Variants in KLHL13 observed in about 807,000 individuals in gnomAD.
KLHL13 encodes the protein kelch like family member 13, also known as kelch-like protein 13.
A neutral mutation model predicts 37.1 loss-of-function variants in KLHL13; 10 were observed. That is an observed-to-expected ratio of 0.27 (90% CI 0.17 to 0.46). KLHL13 has a LOEUF of 0.46. Among genes scored for constraint, KLHL13 ranks in the 20% least tolerant of loss-of-function variants. The pLI, the probability that KLHL13 is intolerant of heterozygous loss-of-function variation, is 1.00. For missense variants in KLHL13, 360 were observed against 509.3 expected (o/e 0.71, Z 2.82); for synonymous variants, 163 against 181.2 (o/e 0.90, Z 0.81).
At chrX:117,930,230 A>AAGGAAGGGAGGG (rs1569418442) in intron 2 of KLHL13, among the ~76,000 whole-genome samples, 1 of 84,975 alleles carries the variant, frequency 1.2e-5, no homozygotes, top group African/African-American at 5.3e-5. Context: ...GGAAGGAAGG[A>AAGGAAGGGAGGG]AGGAAGGAAG....
chrX:118,027,792 T>C (rs1253259940), intron 1 of KLHL13, among the ~76,000 whole-genome samples: 1 of 111,050 alleles, frequency 9.0e-6, no homozygotes, highest in African/African-American at 3.3e-5. Flanking sequence ...ACTACGAAAC[T>C]TGCCCAAGGC....
intron 4 of KLHL13, among the ~76,000 whole-genome samples, chrX:117,911,905 C>G (rs748258444): frequency 9.0e-6 from 1 of 111,512 alleles, no homozygotes; most frequent in Non-Finnish European, 1.9e-5. Flanking sequence ...TTTAAAATAC[C>G]TAACACATAA....
At chrX:117,926,670 A>G (rs1043507950) in intron 2 of KLHL13, among the ~76,000 whole-genome samples, 5 of 110,016 alleles carry the variant, frequency 4.5e-5, no homozygotes, top group African/African-American at 1.7e-4. Context: ...CACAAAGCTT[A>G]AAAGTAAATG....
At chrX:118,099,906 A>AGAAGGAAGAAAG (rs1556005213) in intron 1 of KLHL13, among the ~76,000 whole-genome samples, 18 of 91,257 alleles carry the variant, frequency 2.0e-4, no homozygotes, top group African/African-American at 1.1e-3. Flanking sequence ...AAGGAAGGAA[A>AGAAGGAAGAAAG]GAAGGAAGGA....
At chrX:118,062,508 C>T (rs2054752888) in intron 1 of KLHL13, among the ~76,000 whole-genome samples, 1 of 109,666 alleles carries the variant, frequency 9.1e-6, no homozygotes, top group Admixed American at 9.8e-5. Flanking sequence ...AGCTTCATTT[C>T]CAAGATTAGG....
intron 1 of KLHL13, chrX:117,985,364 TACATAGTAGCGC>T (rs754600942): frequency 2.8e-6 from 3 of 1,060,533 alleles, no homozygotes; most frequent in Non-Finnish European, 3.7e-6. Context: ...TAGGCTCTGC[TACATAGTAGCGC>T]ACCCCAGTGC....
At chrX:118,112,789 T>C (rs1264986598) in intron 1 of KLHL13, among the ~76,000 whole-genome samples, 1 of 111,775 alleles carries the variant, frequency 8.9e-6, no homozygotes, top group Middle Eastern at 4.3e-3. Flanking sequence ...GCTGGATTGC[T>C]TTCAAGGAAG....
intron 2 of KLHL13, among the ~76,000 whole-genome samples, chrX:117,927,026 C>T (rs182340068): frequency 0.088 from 9,246 of 105,501 alleles, 353 homozygotes; most frequent in Middle Eastern, 0.16. Flanking sequence ...CTGCCTCAGC[C>T]TCCCGAGTAG....
At chrX:118,072,047 G>T (rs1202283143) in intron 1 of KLHL13, among the ~76,000 whole-genome samples, 1 of 109,890 alleles carries the variant, frequency 9.1e-6, no homozygotes, top group Non-Finnish European at 1.9e-5. Flanking sequence ...AAAGAACAAA[G>T]CTGGAGGCAT....
chrX:118,088,851 GGAA>G (rs1361225391), intron 1 of KLHL13, among the ~76,000 whole-genome samples: 1 of 111,535 alleles, frequency 9.0e-6, no homozygotes, highest in Non-Finnish European at 1.9e-5. Flanking sequence ...AAAGGTGGCA[GGAA>G]GAAGCAGATG....
At chrX:118,069,481 C>G (rs971901208) in intron 1 of KLHL13, among the ~76,000 whole-genome samples, 1 of 102,940 alleles carries the variant, frequency 9.7e-6, no homozygotes, top group Non-Finnish European at 2.0e-5. Context: ...TGGTAAAAGC[C>G]AAGACTTCAC....
chrX:118,053,794 T>A (rs1172782236), intron 1 of KLHL13, among the ~76,000 whole-genome samples: 13 of 61,902 alleles, frequency 2.1e-4, no homozygotes, highest in African/African-American at 6.1e-4. Flanking sequence ...TGTGTGTGTG[T>A]GTGTGAGAGA....
intron 1 of KLHL13, among the ~76,000 whole-genome samples, chrX:118,019,734 A>G (rs1357267462): frequency 9.2e-6 from 1 of 108,805 alleles, no homozygotes; most frequent in African/African-American, 3.4e-5. Context: ...TCCCAGCACC[A>G]TTTATTAAAT....
chrX:117,923,756 G>A (rs1304880993), intron 2 of KLHL13, among the ~76,000 whole-genome samples: 5 of 111,480 alleles, frequency 4.5e-5, no homozygotes, highest in Non-Finnish European at 9.4e-5. Flanking sequence ...GTGGAGGTAT[G>A]TAATCAATGC....
chrX:118,089,765 A>C (rs2055107287), intron 1 of KLHL13, among the ~76,000 whole-genome samples: 1 of 111,039 alleles, frequency 9.0e-6, no homozygotes, highest in Admixed American at 9.6e-5. Context: ...AAGAACCAGG[A>C]AGATTCAGCT....
chrX:117,925,562 C>G (rs6645999), intron 2 of KLHL13, among the ~76,000 whole-genome samples: 11,545 of 111,322 alleles, frequency 0.1, 602 homozygotes, highest in African/African-American at 0.2. Flanking sequence ...TAAGTTAAAA[C>G]AAATATATAG....
At chrX:117,973,819 A>ACCCCCCCCCCCCCCCCCCC (rs1202810193), upstream of KLHL13, 3 of 505,964 alleles carry the variant, frequency 5.9e-6, no homozygotes, top group African/African-American at 5.8e-5. Flanking sequence ...CTTGTTCACC[A>ACCCCCCCCCCCCCCCCCCC]CCCCCCCCAC....
intron 1 of KLHL13, among the ~76,000 whole-genome samples, chrX:117,988,428 A>G (rs1290030972): frequency 8.9e-6 from 1 of 112,132 alleles, no homozygotes; most frequent in Non-Finnish European, 1.9e-5. Context: ...AGTGGTTTAC[A>G]GAATTTTCTG....
intron 1 of KLHL13, among the ~76,000 whole-genome samples, chrX:117,983,867 G>C (rs16994953): frequency 0.071 from 7,882 of 111,059 alleles, 668 homozygotes; most frequent in African/African-American, 0.24. Flanking sequence ...TTGGACACAA[G>C]GAGACACTTT....
Sources: allele counts gnomAD v4.1 joint callset (sites outside exome capture counted in the v4.1 genomes callset), GRCh38; gene constraint gnomAD v4.1.1; transcripts MANE v1.5; gene names NCBI Gene and HGNC (gene_info 2026-07-23, HGNC 2026-07-21).